LRRC31: variants seen among roughly 807,000 people sequenced by gnomAD.
The protein encoded by LRRC31 is leucine rich repeat containing 31, also known as leucine-rich repeat-containing protein 31.
LRRC31 carries 35 observed loss-of-function variants against 46.7 expected under a neutral mutation model. The ratio of observed to expected loss-of-function variants is 0.75; its 90% CI spans 0.57 to 0.99. LRRC31 has a LOEUF of 0.99. Ranked by LOEUF, LRRC31 falls within the 50% of genes least tolerant of loss-of-function variation. LRRC31 has a pLI of 0.00. For synonymous variants in LRRC31, 236 were observed against 235.1 expected (o/e 1.00, Z -0.03); for missense variants, 613 against 626.1 (o/e 0.98, Z 0.22).
intron 6 of LRRC31, chr3:169,853,609 G>A: frequency 3.0e-6 from 3 of 985,864 alleles, no homozygotes; most frequent in Non-Finnish European, 3.6e-6. Context: ...GCTATGATAA[G>A]TAAAGGGGAT....
chr3:169,865,815 G>T (rs1462498702), intron 1 of LRRC31, among the ~76,000 whole-genome samples: 2 of 152,106 alleles, frequency 1.3e-5, no homozygotes, highest in Non-Finnish European at 2.9e-5. Context: ...AAGAGTGGGA[G>T]TCATCCAGGT....
chr3:169,858,029 T>C (rs906495582), intron 3 of LRRC31, among the ~76,000 whole-genome samples: 2 of 152,072 alleles, frequency 1.3e-5, no homozygotes, highest in Non-Finnish European at 2.9e-5. Context: ...GGTACTGGAG[T>C]GCCATGCATT....
At chr3:169,850,819 C>A (rs1266119820) in intron 7 of LRRC31, among the ~76,000 whole-genome samples, 4 of 152,140 alleles carry the variant, frequency 2.6e-5, no homozygotes, top group Non-Finnish European at 4.4e-5. Context: ...GTGACAAGTG[C>A]AGTGTCAGCA....
rs181699733 is a variant in LRRC31 at position 169,848,547 on chromosome 3, C to T, written c.1160-260G>A. On this transcript the variant is annotated intron_variant, in intron 7 of 8. Coordinates refer to ENST00000316428, the MANE Select transcript of LRRC31 (RefSeq NM_024727.4). ...TCTTGGCTCACTGCAACCTCCGCCT[C>T]CCGGGTTCAAGTGATTCCCCTGCCT... Among the ~76,000 whole-genome samples, 23 of 152,312 alleles carry T rather than the reference C, an allele frequency of 1.5e-4. No homozygotes were observed. In the East Asian group the frequency reaches 4.4e-3, roughly 29 times the overall value.
At chr3:169,863,043 C>G (rs754020997) in intron 1 of LRRC31, among the ~76,000 whole-genome samples, 1 of 151,746 alleles carries the variant, frequency 6.6e-6, no homozygotes, top group Non-Finnish European at 1.5e-5. Context: ...CCACCACGCC[C>G]GGCTAATTTT....
At chr3:169,864,390 A>G (rs1457480054) in intron 1 of LRRC31, among the ~76,000 whole-genome samples, 3 of 152,232 alleles carry the variant, frequency 2.0e-5, no homozygotes, top group Admixed American at 6.5e-5. Flanking sequence ...GTGCTCTGTC[A>G]TGTTTGATGT....
chr3:169,865,198 C>T (rs568762461), intron 1 of LRRC31, among the ~76,000 whole-genome samples: 90 of 151,228 alleles, frequency 6.0e-4, no homozygotes, highest in Middle Eastern at 3.4e-3. Flanking sequence ...TGCAGTGAGC[C>T]GAGATTGCGC....
At position 169,839,613 on chromosome 3, in the gene LRRC31, A is replaced by T. The variant is rs964963645; in HGVS notation, c.*369T>A. 2.6e-5 allele frequency: 4 copies of T among 152,122 alleles called. No homozygotes were observed. The highest frequency in any genetic ancestry group is 9.7e-5 in the African/African-American group (4 of 41,422). 9.4% of individuals were successfully genotyped at this position (152,122 alleles called of 1,614,324 possible). A position where few individuals can be genotyped will look rare whatever the true frequency, so the allele number is the denominator to read the frequency against. On this transcript the variant is annotated 3_prime_UTR_variant, in exon 9 of 9. Transcript: ENST00000316428. ...AAACATTTCTGGGCAAGAGGAAAGC[A>T]GTTGCAGTACCAAAATCTAAACACT...
rs140343999 is a variant in LRRC31 at position 169,851,125 on chromosome 3, C to T, written c.1159+494G>A. On this transcript the variant is annotated intron_variant, in intron 7 of 8. Transcript: ENST00000316428. ...GGCTCACACTCTAGTAAATGGCTCA[C>T]TTTCCCATCAGATCCCAGATCCTCA... is the stretch of plus-strand genomic sequence containing the variant. 5.6e-3 allele frequency among the ~76,000 whole-genome samples: 851 copies of T among 152,252 alleles called. 2 individuals carry two copies. Among genetic ancestry groups the T allele is most frequent in the South Asian group, 9.7e-3 (47 of 4,822 alleles).
intron 1 of LRRC31, among the ~76,000 whole-genome samples, chr3:169,867,525 G>C (rs919855099): frequency 1.3e-5 from 2 of 151,922 alleles, no homozygotes; most frequent in African/African-American, 4.8e-5. Context: ...CCAAAGTGTT[G>C]GGATTACAGG....
At chr3:169,858,919 T>C (rs1268104983) in intron 3 of LRRC31, among the ~76,000 whole-genome samples, 1 of 134,046 alleles carries the variant, frequency 7.5e-6, no homozygotes, top group Non-Finnish European at 1.5e-5. Context: ...GGCAGGAGAA[T>C]CACTTGAACT....
At chr3:169,865,013 G>T (rs566296533) in intron 1 of LRRC31, among the ~76,000 whole-genome samples, 1,564 of 151,966 alleles carry the variant, frequency 0.01, 11 homozygotes, top group Middle Eastern at 0.031. Flanking sequence ...GAAGGCAGAG[G>T]TTGCGTGAGC....
In LRRC31 at chr3:169,856,769, C is replaced by G; in HGVS notation, c.591G>C (p.Gly197=). ...CAAGCTCAATCATTTGTATCTTGCT[C>G]CCTTTTTGGAACTTCTGAAGGATCA... ...LPLILQKFQK[G]SKIQMIELVD... is the part of the protein sequence containing the mutation. Residue 197 remains glycine (G), a synonymous_variant, in exon 4 of 9, where the codon GGG becomes GGC. Transcript: ENST00000316428. 1.2e-6 allele frequency: 2 copies of G among 1,609,190 alleles called. No individual in the cohort carries two copies. Among genetic ancestry groups the G allele is most frequent in the South Asian group, 1.1e-5 (1 of 89,996 alleles).
At chr3:169,853,855 C>CTCAT (rs755261046) in intron 6 of LRRC31, 12 of 301,682 alleles carry the variant, frequency 4.0e-5, no homozygotes, top group East Asian at 1.7e-4. Flanking sequence ...TCATTGTACA[C>CTCAT]TCATTCATTC....
At chr3:169,857,951 C>T (rs1781021978) in intron 3 of LRRC31, among the ~76,000 whole-genome samples, 1 of 152,094 alleles carries the variant, frequency 6.6e-6, no homozygotes. Context: ...CTTTCTATAG[C>T]CCTGAGGTGT....
intron 1 of LRRC31, among the ~76,000 whole-genome samples, chr3:169,867,603 C>T (rs994097782): frequency 6.6e-6 from 1 of 150,816 alleles, no homozygotes. Flanking sequence ...AAACTACTGG[C>T]CTTAAGCGAT....
intron 3 of LRRC31, among the ~76,000 whole-genome samples, chr3:169,859,291 G>A (rs866758700): frequency 0.016 from 1,758 of 113,212 alleles, 19 homozygotes; most frequent in Non-Finnish European, 0.021. Context: ...ATGAAACACC[G>A]TCTCAAAAAA....
At chr3:169,863,662 A>G (rs1781240597) in intron 1 of LRRC31, among the ~76,000 whole-genome samples, 2 of 152,172 alleles carry the variant, frequency 1.3e-5, no homozygotes, top group South Asian at 4.1e-4. Context: ...TTTATGGCAC[A>G]TTGGACACAA....
At chr3:169,862,591 T>C (rs548662613) in intron 1 of LRRC31, among the ~76,000 whole-genome samples, 38 of 152,026 alleles carry the variant, frequency 2.5e-4, no homozygotes, top group African/African-American at 8.9e-4. Flanking sequence ...TGAAATGCTG[T>C]CTCTACTAAA....
Sources: gnomAD v4.1 joint callset for allele counts (sites outside exome capture counted in the v4.1 genomes callset) on GRCh38, gnomAD v4.1.1 for gene constraint, MANE v1.5 for transcripts, NCBI Gene and HGNC (gene_info 2026-07-23, HGNC 2026-07-21) for gene names.